The following LRCH3 variants were observed in gnomAD, a reference collection of about 807,000 sequenced individuals.
LRCH3 encodes the protein leucine rich repeats and calponin homology domain containing 3.
In LRCH3, 68 loss-of-function variants were observed where a neutral mutation model predicts 104.5. That is an observed-to-expected ratio of 0.65 (90% CI 0.54 to 0.80). The LOEUF (loss-of-function observed/expected upper bound fraction) is 0.80. LRCH3 is among the 30% of genes least tolerant of loss of function. LRCH3 has a pLI of 0.00. For missense variants in LRCH3, 951 were observed against 953.9 expected (o/e 1.00, Z 0.04); for synonymous variants, 344 against 361.3 (o/e 0.95, Z 0.54).
Position 197,829,688 on chromosome 3 carries a change from T to TC in LRCH3, c.887+18dup, listed in dbSNP as rs1347448030. The stretch of plus-strand genomic sequence containing the variant: ...TTTGGCTCCTGGTAAGTATATTCTG[T>TC]CCCTTTATCTATCATATTTTTTGTA... On this transcript the variant is annotated intron_variant, in intron 6 of 20. Coordinates refer to ENST00000425562, the MANE Select transcript of LRCH3 (RefSeq NM_001365715.1). The TC allele has an allele frequency of 6.6e-7, 1 of 1,510,640 alleles. No homozygotes were observed. The highest frequency in any genetic ancestry group is 9.0e-7 in the Non-Finnish European group (1 of 1,105,294). The allele number at this position is 1,510,640 out of a possible 1,614,324, so 93.6% of individuals were successfully genotyped here.
At chr3:197,813,754 C>G (rs1388497046) in intron 1 of LRCH3, among the ~76,000 whole-genome samples, 2 of 151,906 alleles carry the variant, frequency 1.3e-5, no homozygotes, top group Non-Finnish European at 2.9e-5. Context: ...TGGTCTCAAA[C>G]TCCTGACCTC....
intron 9 of LRCH3, among the ~76,000 whole-genome samples, chr3:197,837,639 A>ATTGTGTG (rs1737024439): frequency 1.3e-5 from 2 of 152,144 alleles, no homozygotes; most frequent in Admixed American, 1.3e-4. Flanking sequence ...TACATAGACC[A>ATTGTGTG]TTCCTGTCTG....
chr3:197,797,497 G>T (rs969877649), intron 1 of LRCH3, among the ~76,000 whole-genome samples: 10 of 152,058 alleles, frequency 6.6e-5, no homozygotes, highest in African/African-American at 2.4e-4. Context: ...GGTGGAAAGA[G>T]GAATCAGTCT....
At chr3:197,878,596 A>G (rs9863961) in intron 20 of LRCH3, among the ~76,000 whole-genome samples, 12,137 of 151,230 alleles carry the variant, frequency 0.08, 1,628 homozygotes, top group African/African-American at 0.27. Flanking sequence ...CTCCCCTTCC[A>G]CCTCCCACCC....
chr3:197,881,382 G>A (rs1580929346), intron 20 of LRCH3: 1 of 987,006 alleles, frequency 1.0e-6, no homozygotes, highest in Non-Finnish European at 1.2e-6. Flanking sequence ...CTGCTCTTCT[G>A]AGCCCAGTCT....
At chr3:197,792,605 A>G (rs1358782508) in intron 1 of LRCH3, among the ~76,000 whole-genome samples, 3 of 52,246 alleles carry the variant, frequency 5.7e-5, no homozygotes, top group African/African-American at 1.6e-4. Flanking sequence ...ATATATATAT[A>G]AAATATACAT....
chr3:197,866,059 G>A (rs1391153084), intron 16 of LRCH3, 53 bp from the exon 17 acceptor site: 2 of 1,246,338 alleles, frequency 1.6e-6, no homozygotes, highest in African/African-American at 3.0e-5. Flanking sequence ...TTGTATGTCT[G>A]CTATTATATT....
rs1713953118 is a variant in LRCH3 at position 197,883,372 on chromosome 3, C to T, written c.2209-169C>T. On this transcript the variant is annotated intron_variant, in intron 20 of 20. Transcript: ENST00000425562. The surrounding 1 kb of genome is among the most constrained non-coding windows in gnomAD (Gnocchi z 4.2). ...TAATAAAGTGACAGTGAGTGTCAGA[C>T]ACCATCTCTCTAACTCATATTTACA... 2 of 1,394,236 alleles carry T rather than the reference C, an allele frequency of 1.4e-6. No homozygotes were observed. The highest frequency in any genetic ancestry group is 1.6e-5 in the South Asian group (1 of 62,660). 86.4% of individuals were successfully genotyped at this position (1,394,236 alleles called of 1,614,324 possible). A position where few individuals can be genotyped will look rare whatever the true frequency, so the allele number is the denominator to read the frequency against.
chr3:197,808,771 GCACATGCCTGT>G (rs1732782329), intron 1 of LRCH3, among the ~76,000 whole-genome samples: 1 of 152,114 alleles, frequency 6.6e-6, no homozygotes, highest in Non-Finnish European at 1.5e-5. Context: ...GGGCATGGTG[GCACATGCCTGT>G]AGTCTCAGCT....
At chr3:197,881,365 C>G in intron 20 of LRCH3, 2 of 987,874 alleles carry the variant, frequency 2.0e-6, no homozygotes, top group Non-Finnish European at 1.2e-6. Context: ...CACCCACATT[C>G]CCTAGACTGC....
Position 197,842,688 on chromosome 3 carries a change from C to A in LRCH3, c.1328+3291C>A, listed in dbSNP as rs11717776. ...GGGAGATCATAAACATAGGGAGATA[C>A]AATAAATAAAAAGTGTGAATGTTTT... On this transcript the variant is annotated intron_variant, in intron 10 of 20. Coordinates refer to ENST00000425562, the MANE Select transcript of LRCH3 (RefSeq NM_001365715.1). 5.7e-3 allele frequency among the ~76,000 whole-genome samples: 863 copies of A among 152,006 alleles called. 21 individuals carry two copies. The highest frequency in any genetic ancestry group is 0.038 in the Admixed American group (586 of 15,270).
intron 20 of LRCH3, among the ~76,000 whole-genome samples, chr3:197,879,016 A>C (rs1713237002): frequency 6.6e-6 from 1 of 152,274 alleles, no homozygotes; most frequent in African/African-American, 2.4e-5. Flanking sequence ...TACAAGTTAA[A>C]GTATGAGTGA....
chr3:197,835,973 AT>A, intron 9 of LRCH3, 151 bp downstream of exon 9: 1 of 853,876 alleles, frequency 1.2e-6, no homozygotes, highest in South Asian at 2.3e-5. Flanking sequence ...AGTTTTTCAG[AT>A]TTATTCAGAA....
intron 19 of LRCH3, among the ~76,000 whole-genome samples, chr3:197,872,133 G>T (rs1014397827): frequency 6.6e-6 from 1 of 152,116 alleles, no homozygotes; most frequent in Admixed American, 6.6e-5. Context: ...CGAGGCAGAC[G>T]ATTGCTTGAG....
At chr3:197,816,880 G>A (rs144330363) in intron 2 of LRCH3, among the ~76,000 whole-genome samples, 1 of 152,092 alleles carries the variant, frequency 6.6e-6, no homozygotes, top group African/African-American at 2.4e-5. Context: ...TGTTTATGTA[G>A]TACCTCATTA....
rs760184129 is a variant in LRCH3, at chr3:197,870,203, T to A, written c.1917T>A (p.Asp639Glu). 1.2e-6 allele frequency: 2 copies of A among 1,612,988 alleles called. No homozygotes were observed. The highest frequency in any genetic ancestry group is 2.2e-5 in the South Asian group (2 of 91,062). Residue 639 changes from aspartate to glutamate, a missense_variant, in exon 18 of 21, where the codon GAT becomes GAA. By Grantham distance (45) the Asp-to-Glu change is conservative. Transcript: ENST00000425562. Reference sequence around the variant, plus strand: ...CTCCATCTGCTGCACCTACCACTGATTCTACAGATTCCATAACAGGACAGA... The same window carrying A: ...CTCCATCTGCTGCACCTACCACTGAATCTACAGATTCCATAACAGGACAGA... ...PLPPSAAPTT[D>E]STDSITGQNS...
In LRCH3 at chr3:197,871,944, G is replaced by A. The variant is rs183664527; in HGVS notation, c.2130+482G>A. 4.3e-3 allele frequency among the ~76,000 whole-genome samples: 656 copies of A among 152,268 alleles called. 3 individuals carry two copies. Among genetic ancestry groups the A allele is most frequent in the Non-Finnish European group, 6.6e-3 (451 of 68,016 alleles). On this transcript the variant is annotated intron_variant, in intron 19 of 20. Transcript: ENST00000425562. ...AATGGTAAGGGGTAAGGCTAGAGAC[G>A]TGAGCTGGGGCCGTGGTACAAAGGC...
intron 1 of LRCH3, among the ~76,000 whole-genome samples, chr3:197,808,217 A>T (rs534826637): frequency 8.5e-4 from 130 of 152,336 alleles, no homozygotes; most frequent in Non-Finnish European, 6.5e-4. Context: ...CAAAGAGGAA[A>T]GATGATATGA....
Position 197,887,562 on chromosome 3 carries a change from C to T in LRCH3, c.*3896C>T, listed in dbSNP as rs1162911324. Reference sequence around the variant, plus strand: ...GCGGCTGAGAGCCCCCCAGCAGAGCCCTTCCCATCACTGACAGTGTTGGGG... The same window carrying T: ...GCGGCTGAGAGCCCCCCAGCAGAGCTCTTCCCATCACTGACAGTGTTGGGG... On this transcript the variant is annotated 3_prime_UTR_variant, in exon 21 of 21. Transcript: ENST00000425562. 1 of 148,004 alleles carries T rather than the reference C, an allele frequency of 6.8e-6. No homozygotes were observed. The highest frequency in any genetic ancestry group is 1.5e-5 in the Non-Finnish European group (1 of 67,202). The allele number at this position is 148,004 out of a possible 1,614,324, so 9.2% of individuals were successfully genotyped here.
Sources: allele counts gnomAD v4.1 joint callset (sites outside exome capture counted in the v4.1 genomes callset), GRCh38; gene constraint gnomAD v4.1.1; non-coding constraint Gnocchi (gnomAD v3.1); transcripts MANE v1.5; gene names NCBI Gene and HGNC (gene_info 2026-07-23, HGNC 2026-07-21).